Variants in NLGN1 observed in about 807,000 individuals in gnomAD.
NLGN1 encodes neuroligin 1.
A neutral mutation model predicts 65.5 loss-of-function variants in NLGN1; 12 were observed. That is an observed-to-expected ratio of 0.18 (90% CI 0.12 to 0.30). The LOEUF (loss-of-function observed/expected upper bound fraction) is 0.30, where lower values mean the gene tolerates loss of function less well. Among genes scored for constraint, NLGN1 ranks in the 10% least tolerant of loss-of-function variants. The pLI is 1.00. For missense variants in NLGN1, 750 were observed against 1,007.1 expected, an observed-to-expected ratio of 0.74 and a Z score of 3.46; for synonymous variants, 350 against 359.5, an observed-to-expected ratio of 0.97 and a Z score of 0.30.
chr3:173,866,001 C>G (rs1730087127), intron 4 of NLGN1, among the ~76,000 whole-genome samples: 1 of 152,162 alleles, frequency 6.6e-6, no homozygotes, highest in Non-Finnish European at 1.5e-5. Context: ...TTTAACTAAA[C>G]TCTACCTCGG....
At chr3:173,751,598 G>A (rs1361046724) in intron 3 of NLGN1, among the ~76,000 whole-genome samples, 2 of 152,026 alleles carry the variant, frequency 1.3e-5, no homozygotes, top group Admixed American at 1.3e-4. Flanking sequence ...CAGACAGACA[G>A]AGTAAGACAG....
chr3:173,775,117 T>G (rs1780114263), intron 3 of NLGN1, among the ~76,000 whole-genome samples: 1 of 152,138 alleles, frequency 6.6e-6, no homozygotes, highest in Non-Finnish European at 1.5e-5. Context: ...AAATGCAAAT[T>G]AGTACAATCA....
At chr3:173,655,133 T>C (rs1355634990) in intron 3 of NLGN1, among the ~76,000 whole-genome samples, 2 of 152,070 alleles carry the variant, frequency 1.3e-5, no homozygotes, top group Non-Finnish European at 2.9e-5. Context: ...AAAATTAAAA[T>C]GCAGGGAGGA....
At chr3:173,713,432 A>T (rs1335215355) in intron 3 of NLGN1, among the ~76,000 whole-genome samples, 1 of 152,070 alleles carries the variant, frequency 6.6e-6, no homozygotes, top group Non-Finnish European at 1.5e-5. Flanking sequence ...AGTTAGTGTG[A>T]TGTAAGAATA....
intron 1 of NLGN1, among the ~76,000 whole-genome samples, chr3:173,412,385 A>AT (rs1353661328): frequency 1.3e-5 from 2 of 151,962 alleles, no homozygotes; most frequent in African/African-American, 4.8e-5. Flanking sequence ...GCTGTAGAGC[A>AT]TTAGAACCAG....
At chr3:173,518,056 G>A (rs1734137857) in intron 2 of NLGN1, among the ~76,000 whole-genome samples, 1 of 152,088 alleles carries the variant, frequency 6.6e-6, no homozygotes, top group Admixed American at 6.6e-5. Context: ...TTTTAATTTT[G>A]AAAGGTTTTA....
At chr3:173,450,401 C>T (rs1721266062) in intron 2 of NLGN1, among the ~76,000 whole-genome samples, 1 of 152,212 alleles carries the variant, frequency 6.6e-6, no homozygotes, top group Admixed American at 6.5e-5. Context: ...CCACTCTCTT[C>T]TGGCTTGTAG....
At chr3:174,095,260 T>A (rs752686306) in intron 4 of NLGN1, among the ~76,000 whole-genome samples, 186 of 105,766 alleles carry the variant, frequency 1.8e-3, no homozygotes, top group Middle Eastern at 4.5e-3. Context: ...TTATGAAAAA[T>A]AAATTATATG....
intron 4 of NLGN1, among the ~76,000 whole-genome samples, chr3:174,191,494 T>A (rs552259641): frequency 6.6e-6 from 1 of 152,268 alleles, no homozygotes; most frequent in African/African-American, 2.4e-5. Context: ...GTTTGTCTCT[T>A]AACGGAGATC....
chr3:173,934,555 A>G (rs1295450246), intron 4 of NLGN1, among the ~76,000 whole-genome samples: 1 of 151,968 alleles, frequency 6.6e-6, no homozygotes, highest in Admixed American at 6.6e-5. Flanking sequence ...GTAAATATAC[A>G]CTTATCATTG....
At chr3:173,922,918 G>C (rs76132096) in intron 4 of NLGN1, among the ~76,000 whole-genome samples, 6 of 152,188 alleles carry the variant, frequency 3.9e-5, no homozygotes, top group African/African-American at 1.4e-4. Flanking sequence ...GAGAAATTGA[G>C]TCCACTTCAT....
At chr3:173,894,251 C>T (rs1237409942) in intron 4 of NLGN1, among the ~76,000 whole-genome samples, 5 of 152,152 alleles carry the variant, frequency 3.3e-5, no homozygotes, top group Admixed American at 1.3e-4. Flanking sequence ...AGGCCAACAT[C>T]AAACACACTA....
chr3:173,724,132 G>A (rs982060762), intron 3 of NLGN1, among the ~76,000 whole-genome samples: 1 of 152,172 alleles, frequency 6.6e-6, no homozygotes, highest in Non-Finnish European at 1.5e-5. Flanking sequence ...TGGAGTAGGT[G>A]ACTAGAAAAT....
chr3:174,136,136 A>G (rs1300387327), intron 4 of NLGN1, among the ~76,000 whole-genome samples: 1 of 152,130 alleles, frequency 6.6e-6, no homozygotes, highest in Non-Finnish European at 1.5e-5. Flanking sequence ...ATTTCTGAAC[A>G]TCTGCAGCAG....
At chr3:174,240,450 G>C (rs1266897000) in intron 4 of NLGN1, among the ~76,000 whole-genome samples, 2 of 151,920 alleles carry the variant, frequency 1.3e-5, no homozygotes, top group African/African-American at 4.8e-5. Flanking sequence ...TAATAAGCAA[G>C]GATTAAAAAG....
intron 4 of NLGN1, among the ~76,000 whole-genome samples, chr3:173,808,274 TTTG>T (rs1006489717): frequency 3.3e-5 from 5 of 152,090 alleles, no homozygotes; most frequent in Non-Finnish European, 7.4e-5. Context: ...GTTTCTTTGG[TTTG>T]TTGTTGTTAT....
chr3:173,516,960 ATTATC>A (rs1010989548), intron 2 of NLGN1, among the ~76,000 whole-genome samples: 15 of 152,064 alleles, frequency 9.9e-5, no homozygotes, highest in African/African-American at 3.6e-4. Context: ...TTATATACAT[ATTATC>A]TTACTATCAT....
chr3:173,488,120 A>AT (rs148794020), intron 2 of NLGN1, among the ~76,000 whole-genome samples: 3 of 151,524 alleles, frequency 2.0e-5, no homozygotes, highest in Non-Finnish European at 4.4e-5. Context: ...TTAACATTAG[A>AT]TTTTTTAACA....
chr3:173,469,163 A>T (rs547996874), intron 2 of NLGN1, among the ~76,000 whole-genome samples: 9 of 152,210 alleles, frequency 5.9e-5, no homozygotes, highest in Admixed American at 1.3e-4. Flanking sequence ...TAATTTTTAA[A>T]TTTTTTCCAG....
Sources: gnomAD v4.1 joint callset for allele counts (sites outside exome capture counted in the v4.1 genomes callset) on GRCh38, gnomAD v4.1.1 for gene constraint, MANE v1.5 for transcripts, NCBI Gene and HGNC (gene_info 2026-07-23, HGNC 2026-07-21) for gene names.